The following EXO1 variants were observed in gnomAD, a reference collection of about 807,000 sequenced individuals.
The protein encoded by EXO1 is exonuclease 1.
Under a neutral mutation model 84.5 loss-of-function variants are expected in EXO1, and 69 were observed. The ratio of observed to expected loss-of-function variants is 0.82; its 90% CI spans 0.67 to 1.00. The LOEUF is 1.00. EXO1 is among the 50% of genes least tolerant of loss of function. The probability of loss-of-function intolerance (pLI) is 0.00; values close to 1 mark genes in which losing one functional copy is unlikely to be tolerated. For missense variants in EXO1, 1,045 were observed against 1,000.7 expected (o/e 1.04, Z -0.60); for synonymous variants, 373 against 366.1 (o/e 1.02, Z -0.21).
At chr1:241,884,657 G>GTA (rs1662945936) in intron 14 of EXO1, among the ~76,000 whole-genome samples, 2 of 13,092 alleles carry the variant, frequency 1.5e-4, no homozygotes, top group African/African-American at 2.3e-4. Flanking sequence ...CTGTGTGTGT[G>GTA]TGTGTGTGTG....
intron 10 of EXO1, among the ~76,000 whole-genome samples, chr1:241,866,562 A>ATTTT (rs34121929): frequency 3.4e-5 from 4 of 119,126 alleles, no homozygotes; most frequent in Admixed American, 2.6e-4. Flanking sequence ...GCAACTCTTG[A>ATTTT]TTTTTTTTTT....
intron 15 of EXO1, among the ~76,000 whole-genome samples, chr1:241,887,434 A>G (rs4150005): frequency 0.19 from 28,832 of 152,226 alleles, 3,119 homozygotes; most frequent in East Asian, 0.44. Context: ...ATGTACTTCC[A>G]AATATTGATA....
At chr1:241,860,146 A>G (rs1451186763) in intron 8 of EXO1, among the ~76,000 whole-genome samples, 2 of 152,198 alleles carry the variant, frequency 1.3e-5, no homozygotes, top group African/African-American at 2.4e-5. Flanking sequence ...AATATGATCT[A>G]GAAATATTTG....
intron 5 of EXO1, among the ~76,000 whole-genome samples, chr1:241,853,008 C>T (rs895308594): frequency 1.3e-5 from 2 of 152,092 alleles, no homozygotes; most frequent in East Asian, 3.9e-4. Flanking sequence ...TATTTTATAG[C>T]CTAGTATGTG....
intron 15 of EXO1, among the ~76,000 whole-genome samples, chr1:241,886,342 CTTCT>C (rs1465582163): frequency 2.0e-5 from 3 of 152,180 alleles, no homozygotes; most frequent in African/African-American, 7.2e-5. Context: ...ATAATACTTC[CTTCT>C]GTTAGACCAC....
At chr1:241,864,451 T>A (rs1314664896) in intron 10 of EXO1, among the ~76,000 whole-genome samples, 1 of 152,256 alleles carries the variant, frequency 6.6e-6, no homozygotes, top group Non-Finnish European at 1.5e-5. Context: ...ATGCCTGCTA[T>A]GTCTGTTACT....
intron 4 of EXO1, 92 bp from the exon 5 acceptor site, chr1:241,852,200 T>C: frequency 1.8e-6 from 2 of 1,136,216 alleles, no homozygotes; most frequent in East Asian, 2.4e-5. Flanking sequence ...AAAAACCTTC[T>C]CTTTCCATAG....
intron 7 of EXO1, 152 bp from the exon 8 acceptor site, chr1:241,858,354 T>C: frequency 1.6e-6 from 1 of 625,396 alleles, no homozygotes; most frequent in Non-Finnish European, 2.9e-6. Flanking sequence ...ACTTTATTTG[T>C]AAACTTAGTA....
In EXO1 at chr1:241,878,919, A is replaced by C; in HGVS notation, c.1685A>C (p.Asp562Ala). Residue 562 changes from aspartate to alanine, a missense_variant, in exon 13 of 16, where the codon GAC becomes GCC. Asp to Ala is a moderately radical substitution (Grantham distance 126). Transcript: ENST00000366548. ...DTDVARNSSDDIPNNHIPGDH... is the reference protein window; with the variant it reads ...DTDVARNSSDAIPNNHIPGDH... ...GATGTAGCACGTAATTCAAGTGATG[A>C]CATTCCGAATAATCATATTCCAGGT... 1 of 1,614,228 alleles carries C rather than the reference A, an allele frequency of 6.2e-7. No individual in the cohort carries two copies. The highest frequency in any genetic ancestry group is 8.5e-7 in the Non-Finnish European group (1 of 1,180,038).
Position 241,872,078 on chromosome 1 carries a change from T to G in EXO1, c.1314T>G (p.Phe438Leu), listed in dbSNP as rs1180412914. 8 of 1,613,594 alleles carry G rather than the reference T, an allele frequency of 5.0e-6. No homozygotes were observed. The South Asian group carries it at 8.8e-5, about 18-fold the overall frequency. ...TGTTGAGTCAGTATTCTCTTTCATTTACGAAGAAGACCAAGAAAAATAGCT... is the reference window on the plus strand; with the variant it reads ...TGTTGAGTCAGTATTCTCTTTCATTGACGAAGAAGACCAAGAAAAATAGCT... ...DDLLSQYSLS[F>L]TKKTKKNSSE... is the part of the protein sequence containing the mutation. The change falls in exon 12 of 16, where the codon TTT (phenylalanine) becomes TTG (leucine). Residue 438 changes from phenylalanine to leucine, a missense_variant. Phe to Leu is a conservative substitution (Grantham distance 22, BLOSUM62 0). Transcript: ENST00000366548.
At chr1:241,856,247 C>CT (rs906971627) in intron 6 of EXO1, among the ~76,000 whole-genome samples, 2 of 121,074 alleles carry the variant, frequency 1.7e-5, no homozygotes, top group Admixed American at 8.4e-5. Context: ...CCTCTTTCCT[C>CT]TTTTTTTCTT....
At chr1:241,875,317 T>A (rs1364016182) in intron 12 of EXO1, among the ~76,000 whole-genome samples, 1 of 152,152 alleles carries the variant, frequency 6.6e-6, no homozygotes, top group Non-Finnish European at 1.5e-5. Flanking sequence ...TTTTTCAAGT[T>A]TAATAAATCA....
At chr1:241,884,045 A>G (rs1776156) in intron 14 of EXO1, among the ~76,000 whole-genome samples, 144,110 of 152,230 alleles carry the variant, frequency 0.95, 68,372 homozygotes, top group Non-Finnish European at 0.98. Flanking sequence ...TTTTACCTCT[A>G]TTTCTTCTCG....
chr1:241,887,938 C>T (rs902093442), intron 15 of EXO1, among the ~76,000 whole-genome samples: 2 of 152,094 alleles, frequency 1.3e-5, no homozygotes, highest in Admixed American at 1.3e-4. Flanking sequence ...CACGCCTGGC[C>T]CCTTTTTGTT....
intron 6 of EXO1, among the ~76,000 whole-genome samples, chr1:241,856,245 CTCTTTTTT>C (rs1335130230): frequency 1.5e-3 from 214 of 145,886 alleles, no homozygotes; most frequent in African/African-American, 4.7e-3. Context: ...TACCTCTTTC[CTCTTTTTT>C]TCTTTTTTTC....
intron 11 of EXO1, among the ~76,000 whole-genome samples, chr1:241,868,210 A>C (rs1276688518): frequency 6.6e-6 from 1 of 151,914 alleles, no homozygotes; most frequent in Non-Finnish European, 1.5e-5. Context: ...CCCCATCTCT[A>C]TTAAAAATAC....
intron 5 of EXO1, 93 bp downstream of exon 5, chr1:241,852,504 G>A (rs980043011): frequency 4.2e-6 from 5 of 1,178,904 alleles, no homozygotes; most frequent in African/African-American, 1.5e-5. Context: ...TTTAAGCCAG[G>A]CTCAGTGGCT....
At chr1:241,878,151 TAAA>T (rs1302550015) in intron 12 of EXO1, among the ~76,000 whole-genome samples, 2 of 152,162 alleles carry the variant, frequency 1.3e-5, no homozygotes, top group African/African-American at 2.4e-5. Context: ...TGATTAGGTA[TAAA>T]TAAAGTACAG....
At chr1:241,873,835 G>A (rs971519561) in intron 12 of EXO1, among the ~76,000 whole-genome samples, 1 of 152,148 alleles carries the variant, frequency 6.6e-6, no homozygotes, top group Admixed American at 6.5e-5. Context: ...GGGTGTCCCT[G>A]CCTAGGTTTA....
Sources: allele counts gnomAD v4.1 joint callset (sites outside exome capture counted in the v4.1 genomes callset), GRCh38; gene constraint gnomAD v4.1.1; transcripts MANE v1.5; gene names NCBI Gene and HGNC (gene_info 2026-07-23, HGNC 2026-07-21).